The following RBFOX1 variants were observed in gnomAD, a reference collection of about 807,000 sequenced individuals.
RBFOX1 encodes the protein RNA binding protein fox-1 homolog 1.
Under a neutral mutation model 57.7 loss-of-function variants are expected in RBFOX1, and 8 were observed. That is an observed-to-expected ratio of 0.14 (90% CI 0.08 to 0.25). The LOEUF (loss-of-function observed/expected upper bound fraction) is 0.25, where lower values mean the gene tolerates loss of function less well. Ranked by LOEUF, RBFOX1 falls within the 10% of genes least tolerant of loss-of-function variation. The pLI, the probability that RBFOX1 is intolerant of heterozygous loss-of-function variation, is 1.00. For synonymous variants in RBFOX1, 326 were observed against 222.4 expected, an observed-to-expected ratio of 1.47 and a Z score of -4.15; for missense variants, 611 against 548.5, an observed-to-expected ratio of 1.11 and a Z score of -1.14.
chr16:7,482,008 T>C (rs896207828), intron 4 of RBFOX1, among the ~76,000 whole-genome samples: 4 of 152,224 alleles, frequency 2.6e-5, no homozygotes, highest in Admixed American at 2.0e-4. Context: ...TTTCACACCA[T>C]TGTAAAGTCG....
chr16:5,784,601 T>C (rs1373739376), intron 3 of RBFOX1, among the ~76,000 whole-genome samples: 1 of 152,142 alleles, frequency 6.6e-6, no homozygotes, highest in African/African-American at 2.4e-5. Flanking sequence ...TCCCCATGAT[T>C]CGCTCACCTC....
chr16:5,508,624 T>G (rs1597346825), intron 2 of RBFOX1, among the ~76,000 whole-genome samples: 3 of 143,482 alleles, frequency 2.1e-5, no homozygotes, highest in Admixed American at 6.9e-5. Flanking sequence ...ATGTTGGGGG[T>G]GGGGGGACTG....
At chr16:6,140,946 C>T (rs956570429) in intron 1 of RBFOX1, among the ~76,000 whole-genome samples, 1 of 151,560 alleles carries the variant, frequency 6.6e-6, no homozygotes, top group Non-Finnish European at 1.5e-5. Flanking sequence ...AATGTGTAGT[C>T]TCAGCTCGTA....
At chr16:6,146,186 G>C (rs555637737) in intron 1 of RBFOX1, among the ~76,000 whole-genome samples, 2 of 152,280 alleles carry the variant, frequency 1.3e-5, no homozygotes, top group East Asian at 3.9e-4. Flanking sequence ...TGCTGTGGGA[G>C]GGGGTGGAGG....
chr16:6,917,579 A>G (rs1480746761), intron 3 of RBFOX1, among the ~76,000 whole-genome samples: 5 of 152,192 alleles, frequency 3.3e-5, no homozygotes, highest in Admixed American at 6.5e-5. Flanking sequence ...CTTCTGAAAT[A>G]AAAGTTAGGA....
At chr16:6,260,472 A>G (rs1325088909) in intron 1 of RBFOX1, among the ~76,000 whole-genome samples, 1 of 152,148 alleles carries the variant, frequency 6.6e-6, no homozygotes, top group Non-Finnish European at 1.5e-5. Flanking sequence ...CTAGACTGGG[A>G]TGGAGTGGAA....
chr16:5,756,933 G>T (rs1313379880), intron 3 of RBFOX1, among the ~76,000 whole-genome samples: 1 of 152,168 alleles, frequency 6.6e-6, no homozygotes, highest in South Asian at 2.1e-4. Flanking sequence ...AAAGGATAAA[G>T]CCCTTAACTG....
chr16:5,494,926 C>G (rs1282275056), intron 2 of RBFOX1, among the ~76,000 whole-genome samples: 1 of 152,150 alleles, frequency 6.6e-6, no homozygotes, highest in Non-Finnish European at 1.5e-5. Context: ...GTTTTGGCTC[C>G]TGTAAGTGAA....
intron 3 of RBFOX1, among the ~76,000 whole-genome samples, chr16:5,716,160 A>C (rs1323400911): frequency 6.6e-6 from 1 of 152,240 alleles, no homozygotes; most frequent in Admixed American, 6.5e-5. Flanking sequence ...CTTTGGAAGC[A>C]GGTAGTAGTA....
At chr16:6,508,367 A>G (rs909184715) in intron 2 of RBFOX1, among the ~76,000 whole-genome samples, 2 of 152,178 alleles carry the variant, frequency 1.3e-5, no homozygotes, top group African/African-American at 4.8e-5. Flanking sequence ...ATAAAACTTA[A>G]AACAAAAATA....
chr16:7,265,126 C>T (rs1025798357), intron 4 of RBFOX1, among the ~76,000 whole-genome samples: 1 of 152,248 alleles, frequency 6.6e-6, no homozygotes, highest in Non-Finnish European at 1.5e-5. Context: ...AGACTAGACT[C>T]TGTTCTGCGC....
intron 13 of RBFOX1, among the ~76,000 whole-genome samples, chr16:7,667,105 G>C (rs371071551): frequency 1.3e-5 from 2 of 152,214 alleles, no homozygotes; most frequent in Admixed American, 1.3e-4. Context: ...GGCAGAAAAA[G>C]TTCCTGCAAT....
chr16:5,966,543 CGCCTCCCAGGTTCAAGCAATTCTGCCTCA>C (rs926627686), intron 4 of RBFOX1, among the ~76,000 whole-genome samples: 5 of 152,186 alleles, frequency 3.3e-5, no homozygotes, highest in African/African-American at 9.7e-5. Flanking sequence ...CTGCAATCTC[CGCCTCCCAGGTTCAAGCAATTCTGCCTCA>C]GCCTCCCAAG....
At chr16:5,810,576 C>G (rs982990923) in intron 3 of RBFOX1, among the ~76,000 whole-genome samples, 2 of 152,208 alleles carry the variant, frequency 1.3e-5, no homozygotes, top group African/African-American at 4.8e-5. Flanking sequence ...TCTGTGACAT[C>G]ATCACCTCCG....
chr16:5,570,627 G>A (rs147101542), intron 2 of RBFOX1, among the ~76,000 whole-genome samples: 13 of 152,218 alleles, frequency 8.5e-5, no homozygotes, highest in African/African-American at 2.9e-4. Context: ...ATCACCTGAG[G>A]TCAGGAGTTT....
At chr16:5,529,439 C>T (rs1443109080) in intron 2 of RBFOX1, among the ~76,000 whole-genome samples, 1 of 148,874 alleles carries the variant, frequency 6.7e-6, no homozygotes, top group Non-Finnish European at 1.5e-5. Context: ...CTTTGTTGCT[C>T]AGGCTGGAGT....
At chr16:6,228,579 C>T (rs771419717) in intron 1 of RBFOX1, among the ~76,000 whole-genome samples, 10 of 152,260 alleles carry the variant, frequency 6.6e-5, no homozygotes, top group Non-Finnish European at 1.0e-4. Flanking sequence ...ACAAATGCTG[C>T]ATTATCTAAC....
intron 4 of RBFOX1, among the ~76,000 whole-genome samples, chr16:7,089,712 C>G (rs912294915): frequency 6.6e-6 from 1 of 152,164 alleles, no homozygotes; most frequent in African/African-American, 2.4e-5. Flanking sequence ...ATCCGAAAAA[C>G]TTGCTGATTT....
chr16:7,616,940 G>A (rs746151996), intron 10 of RBFOX1, among the ~76,000 whole-genome samples: 2 of 151,754 alleles, frequency 1.3e-5, no homozygotes, highest in Non-Finnish European at 2.9e-5. Context: ...AATGTGCAAG[G>A]TTTGAGATAG....
Sources: gnomAD v4.1 joint callset for allele counts (sites outside exome capture counted in the v4.1 genomes callset) on GRCh38, gnomAD v4.1.1 for gene constraint, MANE v1.5 for transcripts, NCBI Gene and HGNC (gene_info 2026-07-23, HGNC 2026-07-21) for gene names.